The following CNIH3 variants were observed in gnomAD, a reference collection of about 807,000 sequenced individuals.
CNIH3 encodes the protein cornichon family AMPA receptor auxiliary protein 3, also known as protein cornichon homolog 3.
Under a neutral mutation model 24.1 loss-of-function variants are expected in CNIH3, and 14 were observed. The ratio of observed to expected loss-of-function variants is 0.58; its 90% CI spans 0.38 to 0.91. The LOEUF is 0.91. Among genes scored for constraint, CNIH3 ranks in the 40% least tolerant of loss-of-function variants. The pLI is 0.00. For missense variants in CNIH3, 178 were observed against 196.8 expected, an observed-to-expected ratio of 0.90 and a Z score of 0.57; for synonymous variants, 68 against 73.8, an observed-to-expected ratio of 0.92 and a Z score of 0.40.
chr1:224,721,287 G>T (rs1688710905), intron 3 of CNIH3, among the ~76,000 whole-genome samples: 1 of 152,074 alleles, frequency 6.6e-6, no homozygotes, highest in Admixed American at 6.6e-5. Context: ...TAACCCCACT[G>T]CCCTCCTTAT....
At chr1:224,466,812 T>C (rs182701744) in intron 1 of CNIH3, among the ~76,000 whole-genome samples, 290 of 152,316 alleles carry the variant, frequency 1.9e-3, no homozygotes, top group African/African-American at 6.7e-3. Context: ...TGATAATGCA[T>C]TGTGGTTTTA....
chr1:224,582,517 A>C (rs986608481), intron 4 of CNIH3, among the ~76,000 whole-genome samples: 2 of 152,208 alleles, frequency 1.3e-5, no homozygotes, highest in Non-Finnish European at 2.9e-5. Flanking sequence ...GCCTGTGTGC[A>C]ATACACCTGG....
At chr1:224,739,308 T>G in intron 5 of CNIH3, 21 bp from the exon 6 acceptor site, 1 of 1,524,984 alleles carries the variant, frequency 6.6e-7, no homozygotes, top group Non-Finnish European at 8.8e-7. Flanking sequence ...TTTTTTTTTT[T>G]TTTTTTTTTT....
chr1:224,517,031 C>T lies in CNIH3; in HGVS notation n.15+1155C>T, dbSNP rs1678418002. 2.0e-5 allele frequency among the ~76,000 whole-genome samples: 3 copies of T among 152,064 alleles called. No individual in the cohort carries two copies. The South Asian group carries it at 6.2e-4, about 32-fold the overall frequency. On this transcript the variant is annotated intron_variant and non_coding_transcript_variant, in intron 1 of 2. Coordinates refer to the CNIH3 transcript ENST00000470602. ...TTTCACCTGGATCCTGGAGATGGGG[C>T]ATCTTGCATACTGTGATGTCCAGGT...
At chr1:224,639,886 G>A (rs1487429363) in intron 1 of CNIH3, among the ~76,000 whole-genome samples, 1 of 152,130 alleles carries the variant, frequency 6.6e-6, no homozygotes, top group African/African-American at 2.4e-5. Flanking sequence ...ATCCACTGAT[G>A]ACCCATAAGA....
Position 224,599,465 on chromosome 1 carries a change from A to G in CNIH3, n.402+33201A>G, listed in dbSNP as rs140756378. ...CAAAGTTGAAGCATTTAATAAATAG[A>G]AACAACTTAAAAACTCATTATGCCT... is the stretch of plus-strand genomic sequence containing the variant. On this transcript the variant is annotated intron_variant and non_coding_transcript_variant, in intron 3 of 7. Transcript: ENST00000478120. 8.1e-3 allele frequency among the ~76,000 whole-genome samples: 1,241 copies of G among 152,312 alleles called. 20 individuals are homozygous for G. Among genetic ancestry groups the G allele is most frequent in the African/African-American group, 0.028 (1,170 of 41,574 alleles).
At chr1:224,653,986 C>T (rs988103009) in intron 1 of CNIH3, among the ~76,000 whole-genome samples, 3 of 151,780 alleles carry the variant, frequency 2.0e-5, no homozygotes, top group Non-Finnish European at 4.4e-5. Context: ...GAGGCTGAGG[C>T]GAGAGGATCA....
chr1:224,525,582 CAGCAGTG>C (rs1381955704), intron 2 of CNIH3, among the ~76,000 whole-genome samples: 1 of 152,230 alleles, frequency 6.6e-6, no homozygotes, highest in Non-Finnish European at 1.5e-5. Flanking sequence ...GCACATGTAA[CAGCAGTG>C]TGTTCTACCC....
At chr1:224,534,503 G>A (rs756297887) in intron 2 of CNIH3, among the ~76,000 whole-genome samples, 2 of 152,050 alleles carry the variant, frequency 1.3e-5, no homozygotes, top group Non-Finnish European at 2.9e-5. Context: ...TTTATCTCTC[G>A]ATTCTATAAA....
At chr1:224,686,395 C>T (rs577093286) in intron 3 of CNIH3, among the ~76,000 whole-genome samples, 2 of 152,168 alleles carry the variant, frequency 1.3e-5, no homozygotes, top group South Asian at 4.2e-4. Flanking sequence ...TTTTCTTAAT[C>T]CAGTCTATCA....
intron 3 of CNIH3, among the ~76,000 whole-genome samples, chr1:224,564,445 T>C (rs1044822717): frequency 3.9e-5 from 6 of 152,234 alleles, no homozygotes; most frequent in Middle Eastern, 3.2e-3. Flanking sequence ...CAGGGCTTGA[T>C]TTGTCTCCAG....
At chr1:224,681,129 T>C (rs1686379461) in intron 2 of CNIH3, 103 bp downstream of exon 2, 3 of 980,136 alleles carry the variant, frequency 3.1e-6, no homozygotes, top group Non-Finnish European at 4.9e-6. Context: ...GTAAAGAACA[T>C]GCTCGCCCTC....
At chr1:224,737,815 G>T (rs537978137) in intron 5 of CNIH3, among the ~76,000 whole-genome samples, 7 of 152,290 alleles carry the variant, frequency 4.6e-5, no homozygotes, top group South Asian at 2.1e-4. Flanking sequence ...TGTTTGAACC[G>T]CATGGCACCC....
chr1:224,722,783 G>T (rs1688792647), intron 3 of CNIH3, among the ~76,000 whole-genome samples: 2 of 152,108 alleles, frequency 1.3e-5, no homozygotes, highest in African/African-American at 4.8e-5. Context: ...TGGGTGGGAG[G>T]CAGGGTGGGA....
intron 3 of CNIH3, among the ~76,000 whole-genome samples, chr1:224,598,657 A>G (rs989933570): frequency 6.6e-5 from 10 of 152,248 alleles, no homozygotes; most frequent in Admixed American, 6.5e-4. Flanking sequence ...CACCACGTTG[A>G]TCAGTCAGCA....
chr1:224,620,537 A>AT (rs1315258275), intron 1 of CNIH3, among the ~76,000 whole-genome samples: 6 of 152,378 alleles, frequency 3.9e-5, no homozygotes, highest in African/African-American at 1.2e-4. Context: ...GACTCAAGAC[A>AT]TGCTATATAT....
intron 1 of CNIH3, among the ~76,000 whole-genome samples, chr1:224,621,135 A>G (rs1683258547): frequency 1.3e-5 from 2 of 152,234 alleles, no homozygotes; most frequent in African/African-American, 4.8e-5. Context: ...TTAATTCCCA[A>G]TAAAATTCCC....
At chr1:224,708,255 A>G (rs899271566) in intron 3 of CNIH3, among the ~76,000 whole-genome samples, 1 of 151,790 alleles carries the variant, frequency 6.6e-6, no homozygotes, top group Non-Finnish European at 1.5e-5. Flanking sequence ...TCAGGGCCCC[A>G]TTTTAATGCT....
intron 5 of CNIH3, among the ~76,000 whole-genome samples, chr1:224,583,567 G>A (rs1237462043): frequency 6.6e-6 from 1 of 152,162 alleles, no homozygotes; most frequent in African/African-American, 2.4e-5. Flanking sequence ...GTAAGCTATG[G>A]TGGAGGGTGA....
Sources: allele counts gnomAD v4.1 joint callset (sites outside exome capture counted in the v4.1 genomes callset), GRCh38; gene constraint gnomAD v4.1.1; transcripts MANE v1.5; gene names NCBI Gene and HGNC (gene_info 2026-07-23, HGNC 2026-07-21).